CXCL13: variants seen among roughly 807,000 people sequenced by gnomAD.
The protein encoded by CXCL13 is C-X-C motif chemokine ligand 13.
A neutral mutation model predicts 12.2 loss-of-function variants in CXCL13; 7 were observed. The observed-to-expected ratio is 0.57, with a 90% CI of 0.33 to 1.07. The LOEUF is 1.07. Ranked by LOEUF, CXCL13 falls within the 50% of genes least tolerant of loss-of-function variation. The pLI is 0.04. For synonymous variants in CXCL13, 47 were observed against 42.4 expected, an observed-to-expected ratio of 1.11 and a Z score of -0.42; for missense variants, 113 against 127.4, an observed-to-expected ratio of 0.89 and a Z score of 0.55.
chr4:77,570,429 C>T (rs1032686545), intron 1 of CXCL13, among the ~76,000 whole-genome samples: 15 of 152,160 alleles, frequency 9.9e-5, no homozygotes, highest in African/African-American at 3.6e-4. Context: ...CCAAACAATC[C>T]CACTAAAAAG....
At chr4:77,569,294 G>A (rs1247371042) in intron 1 of CXCL13, among the ~76,000 whole-genome samples, 1 of 152,166 alleles carries the variant, frequency 6.6e-6, no homozygotes, top group Non-Finnish European at 1.5e-5. Flanking sequence ...GAAATAAAGG[G>A]CATCCAAATA....
intron 1 of CXCL13, among the ~76,000 whole-genome samples, chr4:77,548,660 G>A (rs534789377): frequency 3.3e-5 from 5 of 152,276 alleles, no homozygotes; most frequent in Non-Finnish European, 5.9e-5. Flanking sequence ...TGGAATATTG[G>A]CCCCCATTCT....
chr4:77,528,985 C>A (rs1202904931), intron 1 of CXCL13, among the ~76,000 whole-genome samples: 1 of 152,164 alleles, frequency 6.6e-6, no homozygotes, highest in Non-Finnish European at 1.5e-5. Context: ...CCAGTTTCAG[C>A]TTTCTACATA....
intron 1 of CXCL13, among the ~76,000 whole-genome samples, chr4:77,530,341 G>A (rs562317666): frequency 6.2e-4 from 94 of 152,190 alleles, no homozygotes; most frequent in Non-Finnish European, 9.4e-4. Context: ...GAATAGTTTC[G>A]GAAGGAATGG....
chr4:77,581,357 A>G (rs551068851), intron 1 of CXCL13, among the ~76,000 whole-genome samples: 4 of 152,374 alleles, frequency 2.6e-5, no homozygotes, highest in Admixed American at 1.3e-4. Flanking sequence ...AATATTGGCT[A>G]TTTTGTTGGA....
At chr4:77,571,852 C>T (rs527736163) in intron 1 of CXCL13, among the ~76,000 whole-genome samples, 35 of 151,676 alleles carry the variant, frequency 2.3e-4, no homozygotes, top group South Asian at 2.1e-4. Flanking sequence ...TAACACTCAC[C>T]GCGAAGATCT....
intron 1 of CXCL13, among the ~76,000 whole-genome samples, chr4:77,594,170 C>G (rs1036641892): frequency 6.6e-6 from 1 of 152,172 alleles, no homozygotes; most frequent in Non-Finnish European, 1.5e-5. Context: ...AGGGAGCTGG[C>G]TTGAGTCATG....
intron 1 of CXCL13, among the ~76,000 whole-genome samples, chr4:77,552,126 G>T (rs1362262804): frequency 6.6e-6 from 1 of 152,164 alleles, no homozygotes; most frequent in Admixed American, 6.5e-5. Context: ...GAGAGGTAGT[G>T]TGATACTTTG....
chr4:77,599,603 A>G (rs1192016081), intron 1 of CXCL13, among the ~76,000 whole-genome samples: 2 of 152,198 alleles, frequency 1.3e-5, no homozygotes, highest in Admixed American at 1.3e-4. Context: ...AGTGGTGGTC[A>G]AAGTGATTGC....
chr4:77,545,614 C>T (rs1226220660), intron 1 of CXCL13, among the ~76,000 whole-genome samples: 1 of 152,166 alleles, frequency 6.6e-6, no homozygotes, highest in Non-Finnish European at 1.5e-5. Flanking sequence ...TGAGACTTTG[C>T]TGAAGTTGCT....
intron 1 of CXCL13, among the ~76,000 whole-genome samples, chr4:77,596,974 C>G (rs80084351): frequency 0.02 from 2,972 of 152,108 alleles, 90 homozygotes; most frequent in African/African-American, 0.066. Context: ...GAGTATTATT[C>G]AGCCTTTAAA....
chr4:77,585,983 C>G (rs1726447571), intron 1 of CXCL13, among the ~76,000 whole-genome samples: 1 of 151,988 alleles, frequency 6.6e-6, no homozygotes, highest in Non-Finnish European at 1.5e-5. Context: ...AACAGGCTTG[C>G]AAAAATATAG....
intron 1 of CXCL13, among the ~76,000 whole-genome samples, chr4:77,539,161 T>C (rs1485541256): frequency 2.6e-5 from 4 of 151,566 alleles, no homozygotes; most frequent in Non-Finnish European, 5.9e-5. Context: ...GCCTCCTGGC[T>C]CAAGCATTTC....
chr4:77,521,137 T>A (rs1053537071), intron 1 of CXCL13, among the ~76,000 whole-genome samples: 14 of 152,346 alleles, frequency 9.2e-5, no homozygotes, highest in Non-Finnish European at 1.8e-4. Context: ...TATTGAGGAT[T>A]TTCACACGGG....
At chr4:77,552,849 A>G (rs1725567113) in intron 1 of CXCL13, among the ~76,000 whole-genome samples, 2 of 152,224 alleles carry the variant, frequency 1.3e-5, no homozygotes. Context: ...CCACTGCACC[A>G]TAATCTACGT....
intron 1 of CXCL13, among the ~76,000 whole-genome samples, chr4:77,522,155 G>A (rs191450819): frequency 1.3e-5 from 2 of 152,122 alleles, no homozygotes; most frequent in African/African-American, 4.8e-5. Context: ...TGGTATAAGG[G>A]CAATGTGGTG....
At chr4:77,567,608 A>T (rs1725970117) in intron 1 of CXCL13, among the ~76,000 whole-genome samples, 1 of 152,132 alleles carries the variant, frequency 6.6e-6, no homozygotes, top group South Asian at 2.1e-4. Context: ...ATAAAACAAG[A>T]TGCAGTAAAA....
intron 1 of CXCL13, among the ~76,000 whole-genome samples, chr4:77,530,323 A>G (rs1724877791): frequency 6.6e-6 from 1 of 152,066 alleles, no homozygotes; most frequent in African/African-American, 2.4e-5. Flanking sequence ...CTCTTTTTCT[A>G]TTGATTGGAA....
chr4:77,572,597 G>T (rs116910135), intron 1 of CXCL13, among the ~76,000 whole-genome samples: 1 of 151,822 alleles, frequency 6.6e-6, no homozygotes, highest in African/African-American at 2.4e-5. Flanking sequence ...ATAGATGTTC[G>T]TGAGGTTGCA....
Sources: allele counts gnomAD v4.1 joint callset (sites outside exome capture counted in the v4.1 genomes callset), GRCh38; gene constraint gnomAD v4.1.1; transcripts MANE v1.5; gene names NCBI Gene and HGNC (gene_info 2026-07-23, HGNC 2026-07-21).